The following EXOC4 variants were observed in gnomAD, a reference collection of about 807,000 sequenced individuals.
EXOC4 encodes exocyst complex component 4.
A neutral mutation model predicts 107.2 loss-of-function variants in EXOC4; 71 were observed. The ratio of observed to expected loss-of-function variants is 0.66; its 90% CI spans 0.55 to 0.81. EXOC4 has a LOEUF of 0.81. Among genes scored for constraint, EXOC4 ranks in the 30% least tolerant of loss-of-function variants. EXOC4 has a pLI of 0.00. For missense variants in EXOC4, 1,108 were observed against 1,189.6 expected, an observed-to-expected ratio of 0.93 and a Z score of 1.01; for synonymous variants, 456 against 441.2, an observed-to-expected ratio of 1.03 and a Z score of -0.42.
intron 15 of EXOC4, among the ~76,000 whole-genome samples, chr7:134,001,470 TTC>T (rs2116310557): frequency 1.5e-5 from 1 of 67,624 alleles, no homozygotes; most frequent in East Asian, 1.1e-3. Flanking sequence ...CTATTTTAAT[TTC>T]TTTTTTTTTT....
At chr7:133,432,762 G>T (rs1429961442) in intron 7 of EXOC4, among the ~76,000 whole-genome samples, 1 of 152,156 alleles carries the variant, frequency 6.6e-6, no homozygotes, top group African/African-American at 2.4e-5. Flanking sequence ...ATCCAAGTTG[G>T]AAACCTTGGT....
intron 17 of EXOC4, among the ~76,000 whole-genome samples, chr7:134,063,255 C>T (rs1014407701): frequency 6.6e-6 from 1 of 152,156 alleles, no homozygotes; most frequent in Non-Finnish European, 1.5e-5. Flanking sequence ...TCCTGGAAGC[C>T]CTGCCTGACA....
intron 10 of EXOC4, among the ~76,000 whole-genome samples, chr7:133,766,945 C>G (rs1006624481): frequency 3.3e-5 from 5 of 151,862 alleles, no homozygotes; most frequent in African/African-American, 1.2e-4. Flanking sequence ...CAAAATTCTT[C>G]TACCTCTACA....
At chr7:133,842,007 T>C (rs1798033760) in intron 11 of EXOC4, among the ~76,000 whole-genome samples, 2 of 152,354 alleles carry the variant, frequency 1.3e-5, no homozygotes, top group South Asian at 4.1e-4. Flanking sequence ...TCTTTTTTAG[T>C]ATTCCACGGT....
intron 1 of EXOC4, among the ~76,000 whole-genome samples, chr7:133,268,515 G>C (rs1377877219): frequency 6.6e-6 from 1 of 151,964 alleles, no homozygotes; most frequent in South Asian, 2.1e-4. Flanking sequence ...TCTCCTGTCC[G>C]GACTCCATTA....
At chr7:133,585,675 G>T (rs1801386379) in intron 9 of EXOC4, among the ~76,000 whole-genome samples, 1 of 152,038 alleles carries the variant, frequency 6.6e-6, no homozygotes, top group Non-Finnish European at 1.5e-5. Flanking sequence ...TCTAGAAGAG[G>T]AGATAAATGA....
intron 12 of EXOC4, among the ~76,000 whole-genome samples, chr7:133,896,877 C>A (rs71550637): frequency 2.5e-5 from 1 of 40,354 alleles, no homozygotes; most frequent in African/African-American, 4.8e-4. Context: ...GTTGGCCAGG[C>A]TGGTCGCGAA....
At chr7:133,650,481 T>G (rs1275822684) in intron 10 of EXOC4, among the ~76,000 whole-genome samples, 1 of 152,134 alleles carries the variant, frequency 6.6e-6, no homozygotes, top group Non-Finnish European at 1.5e-5. Flanking sequence ...AATCTTCAAA[T>G]TGGTGGGTTT....
chr7:133,851,575 T>C (rs1476750259), intron 11 of EXOC4, among the ~76,000 whole-genome samples: 2 of 152,072 alleles, frequency 1.3e-5, no homozygotes, highest in Non-Finnish European at 2.9e-5. Context: ...AGGGAGTGAA[T>C]GAAGATCTGT....
Position 134,007,909 on chromosome 7 carries a change from A to G in EXOC4, c.2687+74A>G. ...GTTGCCTGTGAAGTCATTTTTAAAA[A>G]TAGACTCTTGGTGCAGAAAAAGCTT... On this transcript the variant is annotated intron_variant, in intron 17 of 17. Transcript: ENST00000253861. The G allele has an allele frequency of 1.4e-6, 2 of 1,385,078 alleles. 1 individual carries two copies. The highest frequency in any genetic ancestry group is 4.8e-5 in the Admixed American group (2 of 41,934). 85.8% of individuals were successfully genotyped at this position (1,385,078 alleles called of 1,614,324 possible). A position where few individuals can be genotyped will look rare whatever the true frequency, so the allele number is the denominator to read the frequency against.
At chr7:133,302,031 G>A (rs1794652142) in intron 3 of EXOC4, among the ~76,000 whole-genome samples, 1 of 152,124 alleles carries the variant, frequency 6.6e-6, no homozygotes, top group African/African-American at 2.4e-5. Context: ...AGGGTATGGT[G>A]GTTCCTAATT....
the EXOC4 span, among the ~76,000 whole-genome samples, chr7:134,076,796 T>C: frequency 6.6e-6 from 1 of 151,936 alleles, no homozygotes; most frequent in African/African-American, 2.4e-5. Flanking sequence ...AGCAGATACA[T>C]GGAATCTTTG....
At chr7:133,274,277 C>T (rs1387443155) in intron 1 of EXOC4, among the ~76,000 whole-genome samples, 1 of 152,210 alleles carries the variant, frequency 6.6e-6, no homozygotes, top group African/African-American at 2.4e-5. Flanking sequence ...AAATTCAGGT[C>T]ATTCAAATGA....
chr7:133,694,030 C>T (rs899875988), intron 10 of EXOC4, among the ~76,000 whole-genome samples: 3 of 151,882 alleles, frequency 2.0e-5, no homozygotes, highest in African/African-American at 7.3e-5. Context: ...CTTTGGGAGG[C>T]CAAGGTGGGC....
At chr7:133,294,205 A>T (rs1794468094) in intron 3 of EXOC4, among the ~76,000 whole-genome samples, 1 of 152,184 alleles carries the variant, frequency 6.6e-6, no homozygotes, top group Non-Finnish European at 1.5e-5. Flanking sequence ...TAAGAATAGC[A>T]GCTTCTTCCC....
At position 133,495,520 on chromosome 7, in the gene EXOC4, G is replaced by A. The variant is rs192007590; in HGVS notation, c.1417+15382G>A. Among the ~76,000 whole-genome samples the A allele has an allele frequency of 2.0e-5, 3 of 152,022 alleles. No homozygotes were observed. In the East Asian group the frequency reaches 5.8e-4, roughly 29 times the overall value. ...TTTCCTATGCTTCTTAACACTCCCT[G>A]AGGGTCAACACTATTCTGATTTCTA... On this transcript the variant is annotated intron_variant, in intron 9 of 17. Coordinates refer to ENST00000253861, the MANE Select transcript of EXOC4 (RefSeq NM_021807.4).
At chr7:133,886,105 A>G (rs12707125) in intron 11 of EXOC4, among the ~76,000 whole-genome samples, 93,947 of 151,926 alleles carry the variant, frequency 0.62, 31,620 homozygotes, top group African/African-American at 0.9. Flanking sequence ...AAACCATGAA[A>G]CACTGTCCAG....
At chr7:133,605,745 T>C (rs1466040885) in intron 9 of EXOC4, among the ~76,000 whole-genome samples, 1 of 151,894 alleles carries the variant, frequency 6.6e-6, no homozygotes, top group African/African-American at 2.4e-5. Flanking sequence ...AGGAGAGAGG[T>C]CTGGGCTGGA....
At chr7:133,467,044 C>G (rs1438285457) in intron 7 of EXOC4, among the ~76,000 whole-genome samples, 1 of 152,084 alleles carries the variant, frequency 6.6e-6, no homozygotes, top group Non-Finnish European at 1.5e-5. Context: ...CATGGAAATA[C>G]CATCAATCTT....
Sources: allele counts gnomAD v4.1 joint callset (sites outside exome capture counted in the v4.1 genomes callset), GRCh38; gene constraint gnomAD v4.1.1; transcripts MANE v1.5; gene names NCBI Gene and HGNC (gene_info 2026-07-23, HGNC 2026-07-21).